Variants in GTF2I observed in about 807,000 individuals in gnomAD.
GTF2I encodes general transcription factor II-I.
GTF2I carries 12 observed loss-of-function variants against 67.6 expected under a neutral mutation model. The ratio of observed to expected loss-of-function variants is 0.18; its 90% CI spans 0.11 to 0.29. The LOEUF (loss-of-function observed/expected upper bound fraction) is 0.29, where lower values mean the gene tolerates loss of function less well. GTF2I is among the 10% of genes least tolerant of loss of function. The probability of loss-of-function intolerance (pLI) is 1.00; values close to 1 mark genes in which losing one functional copy is unlikely to be tolerated. For synonymous variants in GTF2I, 149 were observed against 197.0 expected (o/e 0.76, Z 2.04); for missense variants, 271 against 580.1 (o/e 0.47, Z 5.47).
intron 7 of GTF2I, 138 bp from the exon 8 acceptor site, chr7:74,706,252 C>T (rs945051926): frequency 8.0e-5 from 54 of 673,034 alleles, no homozygotes; most frequent in Non-Finnish European, 1.0e-4. Context: ...ATAAATATGT[C>T]AGTTTTAAGC....
chr7:74,716,552 CTT>C (rs1792285385), intron 10 of GTF2I: 3 of 205,554 alleles, frequency 1.5e-5, no homozygotes, highest in South Asian at 1.8e-4. Flanking sequence ...GTATGTGTGT[CTT>C]TGACAGATGA....
intron 1 of GTF2I, among the ~76,000 whole-genome samples, 161 bp downstream of exon 1, chr7:74,658,229 G>C (rs1554384575): frequency 1.3e-5 from 2 of 150,018 alleles, no homozygotes; most frequent in Admixed American, 6.6e-5. Context: ...GGGGGCGCCC[G>C]TGCCGCCTCC....
At chr7:74,715,776 T>C (rs782471000) in intron 10 of GTF2I, among the ~76,000 whole-genome samples, 3 of 152,054 alleles carry the variant, frequency 2.0e-5, no homozygotes, top group Non-Finnish European at 2.9e-5. Flanking sequence ...GTTTTCACAA[T>C]ATAAAGTAAG....
intron 1 of GTF2I, among the ~76,000 whole-genome samples, chr7:74,661,483 C>G (rs1234926886): frequency 2.6e-5 from 4 of 151,926 alleles, no homozygotes; most frequent in African/African-American, 9.7e-5. Context: ...AGTTGGAGAC[C>G]AGCCTGCCGA....
chr7:74,659,218 C>T (rs1431912117), intron 1 of GTF2I, among the ~76,000 whole-genome samples: 1 of 151,520 alleles, frequency 6.6e-6, no homozygotes, highest in Admixed American at 6.6e-5. Context: ...CCATCGCTTT[C>T]GGCTTAATTT....
chr7:74,703,945 G>A (rs1790206781), intron 6 of GTF2I, among the ~76,000 whole-genome samples: 1 of 152,184 alleles, frequency 6.6e-6, no homozygotes, highest in Non-Finnish European at 1.5e-5. Flanking sequence ...TTTGTTGAAA[G>A]TCTTTTGACT....
intron 13 of GTF2I, among the ~76,000 whole-genome samples, chr7:74,729,721 G>A (rs1290590767): frequency 1.4e-5 from 2 of 139,284 alleles, no homozygotes; most frequent in East Asian, 4.3e-4. Flanking sequence ...CAGGTGATCC[G>A]CATGCCTCAG....
At chr7:74,685,807 CGGTAATCCGGCCGAGGCG>C (rs1380270166) in intron 1 of GTF2I, among the ~76,000 whole-genome samples, 1 of 151,756 alleles carries the variant, frequency 6.6e-6, no homozygotes, top group East Asian at 1.9e-4. Context: ...TGGCTCACGC[CGGTAATCCGGCCGAGGCG>C]GGCGGATCAT....
intron 1 of GTF2I, among the ~76,000 whole-genome samples, chr7:74,668,689 T>A (rs1554389500): frequency 1.3e-5 from 2 of 151,922 alleles, no homozygotes; most frequent in African/African-American, 4.8e-5. Flanking sequence ...TTCTCCTGCC[T>A]CAGCCACCTG....
chr7:74,704,584 C>T (rs1373295059), intron 6 of GTF2I, among the ~76,000 whole-genome samples: 6 of 152,106 alleles, frequency 3.9e-5, no homozygotes, highest in African/African-American at 9.7e-5. Flanking sequence ...TGAGCCTCCA[C>T]GCCCAGCCTA....
At position 74,699,003 on chromosome 7, in the gene GTF2I, A is replaced by T; in HGVS notation, c.281A>T (p.Lys94Ile). The change falls in exon 4 of 35, where the codon AAA becomes ATA. Residue 94 changes from lysine (K) to isoleucine (I), a missense_variant. This residue lies in a region of GTF2I where 72 missense variants were observed against 87.4 expected (regional missense o/e 0.82). Coordinates refer to ENST00000573035, the MANE Select transcript of GTF2I (RefSeq NM_032999.4). ...EEKAAEMHKMKSTTQANRMSV... is the reference protein window; with the variant it reads ...EEKAAEMHKMISTTQANRMSV... Reference sequence around the variant, plus strand: ...AAAGCTGCAGAGATGCATAAAATGAAATCTACAACCCAGGCAAATCGGATG... The same window carrying T: ...AAAGCTGCAGAGATGCATAAAATGATATCTACAACCCAGGCAAATCGGATG... 4.6e-6 allele frequency: 7 copies of T among 1,510,186 alleles called. No individual in the cohort carries two copies. In the Middle Eastern group the frequency reaches 8.7e-4, roughly 188 times the overall value. The allele number at this position is 1,510,186 out of a possible 1,614,324, so 93.5% of individuals were successfully genotyped here.
intron 1 of GTF2I, among the ~76,000 whole-genome samples, chr7:74,675,697 C>T (rs951601545): frequency 7.2e-5 from 11 of 151,968 alleles, no homozygotes; most frequent in Middle Eastern, 6.8e-3. Context: ...TTAAATTTTA[C>T]AGTGTATAGT....
chr7:74,692,849 G>T (rs1335016915), intron 3 of GTF2I, among the ~76,000 whole-genome samples: 7 of 151,990 alleles, frequency 4.6e-5, no homozygotes, highest in African/African-American at 1.7e-4. Context: ...CGCAACCTCT[G>T]CCTCTTGGGT....
At chr7:74,682,048 G>A (rs1039638133) in intron 1 of GTF2I, among the ~76,000 whole-genome samples, 4 of 152,228 alleles carry the variant, frequency 2.6e-5, no homozygotes, top group African/African-American at 9.6e-5. Context: ...TAAGCTGAGA[G>A]AATTCTAATG....
At chr7:74,673,991 TA>T (rs1167527570) in intron 1 of GTF2I, among the ~76,000 whole-genome samples, 1 of 151,786 alleles carries the variant, frequency 6.6e-6, no homozygotes, top group African/African-American at 2.4e-5. Context: ...AAACTATTTT[TA>T]AAAGAAGAAA....
chr7:74,716,958 G>GA lies in GTF2I; in HGVS notation c.880+13dup. ...TGGAAGTACCAGCAGAAGGTTAGGA[G>GA]AAAAAGAGATTGCATATTTTCCACT... On this transcript the variant is annotated intron_variant, in intron 11 of 34. Coordinates refer to ENST00000573035, the MANE Select transcript of GTF2I (RefSeq NM_032999.4). The GA allele has an allele frequency of 1.3e-6, 2 of 1,598,782 alleles. No homozygotes were observed. The highest frequency in any genetic ancestry group is 1.7e-6 in the Non-Finnish European group (2 of 1,168,466).
intron 12 of GTF2I, among the ~76,000 whole-genome samples, chr7:74,721,801 C>T (rs1230738201): frequency 6.6e-6 from 1 of 151,422 alleles, no homozygotes; most frequent in African/African-American, 2.4e-5. Context: ...CATTGAAATC[C>T]TGATAATGTT....
chr7:74,692,365 C>T (rs892384524), intron 3 of GTF2I, among the ~76,000 whole-genome samples: 4 of 152,156 alleles, frequency 2.6e-5, no homozygotes, highest in African/African-American at 4.8e-5. Flanking sequence ...CCACCACATC[C>T]GGCCGGGAGT....
intron 1 of GTF2I, among the ~76,000 whole-genome samples, chr7:74,681,910 C>CAAAA (rs782315468): frequency 1.7e-5 from 2 of 119,456 alleles, no homozygotes; most frequent in Non-Finnish European, 3.6e-5. Context: ...GACTCCGTCT[C>CAAAA]AAAAAAAAAA....
Sources: allele counts gnomAD v4.1 joint callset (sites outside exome capture counted in the v4.1 genomes callset), GRCh38; gene constraint gnomAD v4.1.1; regional missense constraint gnomAD v4.1.1; transcripts MANE v1.5; gene names NCBI Gene and HGNC (gene_info 2026-07-23, HGNC 2026-07-21).